Variants in PDE11A observed in about 807,000 individuals in gnomAD.
The protein encoded by PDE11A is phosphodiesterase 11A, also known as dual 3',5'-cyclic-AMP and -GMP phosphodiesterase 11A.
PDE11A carries 100 observed loss-of-function variants against 100.5 expected under a neutral mutation model. That is an observed-to-expected ratio of 1.00 (90% CI 0.85 to 1.18). The LOEUF (loss-of-function observed/expected upper bound fraction) is 1.18, where lower values mean the gene tolerates loss of function less well. PDE11A is among the 50% of genes most tolerant of loss of function. PDE11A has a pLI of 0.00. For missense variants in PDE11A, 1,141 were observed against 1,152.6 expected, an observed-to-expected ratio of 0.99 and a Z score of 0.15; for synonymous variants, 381 against 420.8, an observed-to-expected ratio of 0.91 and a Z score of 1.16.
At chr2:178,046,332 T>C (rs1395594543) in intron 1 of PDE11A, among the ~76,000 whole-genome samples, 2 of 152,180 alleles carry the variant, frequency 1.3e-5, no homozygotes, top group Non-Finnish European at 2.9e-5. Flanking sequence ...TCAGCAGAAG[T>C]CTTATGTTAT....
chr2:177,908,357 G>C (rs1383018444), intron 2 of PDE11A, among the ~76,000 whole-genome samples: 4 of 152,176 alleles, frequency 2.6e-5, no homozygotes, highest in African/African-American at 9.7e-5. Flanking sequence ...GATGGTGTAA[G>C]GGAAATCCTA....
rs191730182 is a variant in PDE11A at position 177,781,362 on chromosome 2, T to C, written c.1738-11989A>G. On this transcript the variant is annotated intron_variant, in intron 9 of 19. Transcript: ENST00000286063. ...TAATTGTAACAGATATAATAAGACG[T>C]ATAAAATGTTGTAAGAATTACCAAA... 2.6e-5 allele frequency among the ~76,000 whole-genome samples: 4 copies of C among 152,324 alleles called. No homozygotes were observed. In the East Asian group the frequency reaches 7.7e-4, roughly 29 times the overall value.
chr2:177,731,178 T>C (rs2081683296), intron 10 of PDE11A, among the ~76,000 whole-genome samples: 1 of 152,232 alleles, frequency 6.6e-6, no homozygotes, highest in African/African-American at 2.4e-5. Flanking sequence ...GTTCCATTCA[T>C]CAATCGTTTC....
At chr2:178,102,130 A>ATT (rs201019394) in intron 2 of PDE11A, among the ~76,000 whole-genome samples, 21 of 145,146 alleles carry the variant, frequency 1.4e-4, no homozygotes, top group Admixed American at 4.2e-4. Flanking sequence ...CATCTGTCTA[A>ATT]TTTTTTTTTT....
At chr2:177,872,472 A>G (rs1305921271) in intron 5 of PDE11A, among the ~76,000 whole-genome samples, 2 of 152,230 alleles carry the variant, frequency 1.3e-5, no homozygotes, top group Non-Finnish European at 2.9e-5. Context: ...GCTATGACAA[A>G]GCAGTGAAAG....
At chr2:178,105,592 G>T (rs2087608787) in intron 1 of PDE11A, 1 of 375,110 alleles carries the variant, frequency 2.7e-6, no homozygotes, top group Non-Finnish European at 4.8e-6. Flanking sequence ...CTAAAATGAT[G>T]TAAAAATTAA....
At chr2:177,918,943 G>GAATCCAGA (rs2084994986) in intron 2 of PDE11A, among the ~76,000 whole-genome samples, 1 of 152,020 alleles carries the variant, frequency 6.6e-6, no homozygotes, top group Admixed American at 6.5e-5. Flanking sequence ...AACAATTCCA[G>GAATCCAGA]AATCCAGAGA....
chr2:177,766,031 G>T (rs536466206), intron 10 of PDE11A, among the ~76,000 whole-genome samples: 12 of 152,224 alleles, frequency 7.9e-5, no homozygotes, highest in Non-Finnish European at 1.6e-4. Context: ...CTGATCACTA[G>T]TCTGGTCGGG....
At chr2:177,997,589 G>T in intron 2 of PDE11A, 1 of 948,304 alleles carries the variant, frequency 1.1e-6, no homozygotes. Flanking sequence ...TTCACCTGGA[G>T]AGCTAAGTGA....
intron 5 of PDE11A, among the ~76,000 whole-genome samples, chr2:177,853,850 G>GTA (rs1172493661): frequency 2.1e-5 from 3 of 140,744 alleles, no homozygotes; most frequent in Admixed American, 7.4e-5. Context: ...CTATATATGT[G>GTA]TATATATATC....
At chr2:178,005,022 G>T (rs1574336342) in intron 2 of PDE11A, among the ~76,000 whole-genome samples, 1 of 152,018 alleles carries the variant, frequency 6.6e-6, no homozygotes. Flanking sequence ...GCCTAGAGGG[G>T]TTTCCACATA....
chr2:177,993,252 T>TGTGTGTTGGATAAG (rs2086025984), intron 2 of PDE11A, among the ~76,000 whole-genome samples: 1 of 152,196 alleles, frequency 6.6e-6, no homozygotes, highest in East Asian at 1.9e-4. Flanking sequence ...GATTCAACTC[T>TGTGTGTTGGATAAG]CAGCTGTGTG....
intron 1 of PDE11A, among the ~76,000 whole-genome samples, chr2:178,015,659 C>A (rs1303543272): frequency 6.6e-6 from 1 of 151,876 alleles, no homozygotes; most frequent in African/African-American, 2.4e-5. Flanking sequence ...TGCAGAATGT[C>A]CTTATTCTTA....
intron 10 of PDE11A, among the ~76,000 whole-genome samples, chr2:177,734,723 G>T (rs983927238): frequency 6.6e-6 from 1 of 152,210 alleles, no homozygotes; most frequent in African/African-American, 2.4e-5. Context: ...TGTGTTGCAT[G>T]GCTGTTGTGA....
At chr2:178,083,332 C>T (rs2087310253) in intron 2 of PDE11A, among the ~76,000 whole-genome samples, 1 of 152,120 alleles carries the variant, frequency 6.6e-6, no homozygotes, top group Non-Finnish European at 1.5e-5. Context: ...CTCCTGACCT[C>T]AAGTGATCCA....
intron 5 of PDE11A, among the ~76,000 whole-genome samples, chr2:177,875,524 C>A (rs1052665340): frequency 6.6e-6 from 1 of 150,808 alleles, no homozygotes; most frequent in East Asian, 2.3e-4. Flanking sequence ...ACCACAGGCA[C>A]CCGCCACCAT....
intron 5 of PDE11A, among the ~76,000 whole-genome samples, chr2:177,846,831 G>C (rs1010167262): frequency 6.6e-6 from 1 of 152,062 alleles, no homozygotes; most frequent in Non-Finnish European, 1.5e-5. Flanking sequence ...CTGAAAATTG[G>C]GCATGTAATC....
intron 19 of PDE11A, among the ~76,000 whole-genome samples, chr2:177,639,080 T>A (rs2105444386): frequency 6.6e-6 from 1 of 152,274 alleles, no homozygotes; most frequent in South Asian, 2.1e-4. Context: ...CTCAGCAAGA[T>A]CACTGGGCTC....
intron 9 of PDE11A, among the ~76,000 whole-genome samples, chr2:177,790,230 C>T (rs10168715): frequency 0.35 from 51,005 of 144,926 alleles, 9,954 homozygotes; most frequent in East Asian, 0.61. Flanking sequence ...TCAGAAATAA[C>T]GCCACATATC....
Sources: allele counts gnomAD v4.1 joint callset (sites outside exome capture counted in the v4.1 genomes callset), GRCh38; gene constraint gnomAD v4.1.1; transcripts MANE v1.5; gene names NCBI Gene and HGNC (gene_info 2026-07-23, HGNC 2026-07-21).